Variants in CACNB4 observed in about 807,000 individuals in gnomAD.
CACNB4 encodes voltage-dependent L-type calcium channel subunit beta-4.
A neutral mutation model predicts 71.2 loss-of-function variants in CACNB4; 32 were observed. The observed-to-expected ratio is 0.45, with a 90% CI of 0.34 to 0.60. CACNB4 has a LOEUF of 0.60. Among genes scored for constraint, CACNB4 ranks in the 20% least tolerant of loss-of-function variants. CACNB4 has a pLI of 0.01. For synonymous variants in CACNB4, 231 were observed against 236.9 expected (o/e 0.97, Z 0.23); for missense variants, 464 against 647.9 (o/e 0.72, Z 3.08).
chr2:151,869,944 C>A (rs192955765), intron 8 of CACNB4: 2 of 463,948 alleles, frequency 4.3e-6, no homozygotes, highest in Non-Finnish European at 7.6e-6. Flanking sequence ...CAAGCTAGCA[C>A]AAAGTCAAAA....
chr2:151,856,316 G>A (rs557826970), intron 10 of CACNB4, among the ~76,000 whole-genome samples: 8 of 152,020 alleles, frequency 5.3e-5, no homozygotes, highest in South Asian at 2.1e-4. Context: ...ATTTGTTTTC[G>A]TTTTTGAGAC....
intron 2 of CACNB4, among the ~76,000 whole-genome samples, chr2:151,966,170 A>C (rs1192136592): frequency 6.6e-6 from 1 of 152,246 alleles, no homozygotes; most frequent in Admixed American, 6.5e-5. Flanking sequence ...CGAGGGAAAA[A>C]CTGAGGATTA....
At chr2:151,989,472 C>CCTTT (rs1560112941) in intron 2 of CACNB4, among the ~76,000 whole-genome samples, 2 of 152,176 alleles carry the variant, frequency 1.3e-5, no homozygotes, top group South Asian at 4.1e-4. Context: ...ACACTATTGA[C>CCTTT]CTTTCTCCCG....
chr2:151,947,064 A>G (rs552095945), intron 2 of CACNB4, among the ~76,000 whole-genome samples: 25 of 152,284 alleles, frequency 1.6e-4, no homozygotes, highest in Admixed American at 3.3e-4. Context: ...TGTATGGTCA[A>G]TGTGAAAAAA....
intron 2 of CACNB4, among the ~76,000 whole-genome samples, chr2:151,914,818 A>T (rs2099857051): frequency 6.6e-6 from 1 of 152,148 alleles, no homozygotes; most frequent in Non-Finnish European, 1.5e-5. Context: ...ATGTCACTCA[A>T]GGAGGCTGGA....
At chr2:151,945,044 C>T (rs915944448) in intron 2 of CACNB4, among the ~76,000 whole-genome samples, 1 of 152,162 alleles carries the variant, frequency 6.6e-6, no homozygotes, top group Non-Finnish European at 1.5e-5. Flanking sequence ...GTGTAAGCTT[C>T]GCTTGCACTC....
At chr2:151,846,220 C>T (rs1348387329) in intron 12 of CACNB4, among the ~76,000 whole-genome samples, 1 of 152,126 alleles carries the variant, frequency 6.6e-6, no homozygotes, top group African/African-American at 2.4e-5. Context: ...ACTGCTAAAC[C>T]TTGAAAATTC....
chr2:151,862,496 G>T (rs1327795027), intron 9 of CACNB4, among the ~76,000 whole-genome samples: 2 of 152,020 alleles, frequency 1.3e-5, no homozygotes, highest in African/African-American at 2.4e-5. Flanking sequence ...CTTCAAAATT[G>T]TCTCCCGCAG....
At chr2:152,064,404 G>A (rs760600283) in intron 2 of CACNB4, among the ~76,000 whole-genome samples, 38 of 151,980 alleles carry the variant, frequency 2.5e-4, no homozygotes, top group Non-Finnish European at 4.3e-4. Context: ...TTTTTGAGAC[G>A]GAGTCTCGCT....
intron 2 of CACNB4, among the ~76,000 whole-genome samples, chr2:151,928,602 T>C (rs1386092744): frequency 6.6e-6 from 1 of 152,210 alleles, no homozygotes; most frequent in Non-Finnish European, 1.5e-5. Context: ...GCAATCTCTG[T>C]GCTTCGTTTG....
intron 2 of CACNB4, among the ~76,000 whole-genome samples, chr2:152,027,267 G>T (rs567366308): frequency 6.6e-6 from 1 of 152,176 alleles, no homozygotes; most frequent in East Asian, 1.9e-4. Context: ...CATTTTTCTG[G>T]CCACTCCTTC....
At chr2:151,839,965 T>C (rs1369445972) in intron 13 of CACNB4, among the ~76,000 whole-genome samples, 1 of 152,248 alleles carries the variant, frequency 6.6e-6, no homozygotes, top group Non-Finnish European at 1.5e-5. Context: ...AGCTAATTGA[T>C]ACATTTATAA....
chr2:152,087,340 G>A (rs562443016), intron 2 of CACNB4, among the ~76,000 whole-genome samples: 6 of 150,708 alleles, frequency 4.0e-5, no homozygotes, highest in Admixed American at 4.0e-4. Context: ...GCTGAGGCAG[G>A]AGAATCGCTT....
At chr2:151,907,862 T>G (rs928849819) in intron 2 of CACNB4, among the ~76,000 whole-genome samples, 1 of 152,312 alleles carries the variant, frequency 6.6e-6, no homozygotes, top group Non-Finnish European at 1.5e-5. Context: ...CTGAGAATAT[T>G]TCAATCAGGT....
chr2:151,926,392 T>G (rs1169342089), intron 2 of CACNB4, among the ~76,000 whole-genome samples: 2 of 152,106 alleles, frequency 1.3e-5, no homozygotes, highest in Non-Finnish European at 2.9e-5. Flanking sequence ...CAAGAACAGT[T>G]TCACTAGATT....
chr2:151,872,428 G>T lies in CACNB4; in HGVS notation c.587C>A (p.Pro196His). Reference protein sequence around the residue: ...EMVSGTFRATPTSTAKQKQKV... With the variant: ...EMVSGTFRATHTSTAKQKQKV... ...ACTACAACCCTCACCTGTTGATGTG[G>T]GAGTTGCTCGGAATGTCCCAGATAC... The change falls in exon 6 of 14, where the codon CCC becomes CAC. Residue 196 changes from proline (P) to histidine (H), a missense_variant. Around this residue, in one of 3 missense-constraint regions of CACNB4, gnomAD observed 299 missense variants for 471.7 expected, o/e 0.63. Transcript: ENST00000539935. 1 of 1,584,912 alleles carries T rather than the reference G, an allele frequency of 6.3e-7. No individual in the cohort carries two copies. The highest frequency in any genetic ancestry group is 8.6e-7 in the Non-Finnish European group (1 of 1,156,840).
chr2:152,023,102 G>A (rs1382760823), intron 2 of CACNB4, among the ~76,000 whole-genome samples: 1 of 151,516 alleles, frequency 6.6e-6, no homozygotes, highest in African/African-American at 2.4e-5. Flanking sequence ...GGTGCAGGGG[G>A]TCCATGAGGG....
chr2:151,990,674 T>C (rs1231425065), intron 2 of CACNB4, among the ~76,000 whole-genome samples: 2 of 152,162 alleles, frequency 1.3e-5, no homozygotes, highest in African/African-American at 4.8e-5. Flanking sequence ...TCTGATCCCT[T>C]TTACCTTCTG....
At chr2:151,872,617 T>C in intron 5 of CACNB4, 124 bp from the exon 6 acceptor site, 2 of 587,358 alleles carry the variant, frequency 3.4e-6, no homozygotes, top group Non-Finnish European at 6.0e-6. Context: ...AATTCTGCTA[T>C]AAAGAATTTC....
Sources: gnomAD v4.1 joint callset for allele counts (sites outside exome capture counted in the v4.1 genomes callset) on GRCh38, gnomAD v4.1.1 for gene constraint, gnomAD v4.1.1 regional missense constraint, MANE v1.5 for transcripts, NCBI Gene and HGNC (gene_info 2026-07-23, HGNC 2026-07-21) for gene names.